FHIT: variants seen among roughly 807,000 people sequenced by gnomAD.
The protein encoded by FHIT is bis(5'-adenosyl)-triphosphatase.
In FHIT, 19 loss-of-function variants were observed where a neutral mutation model predicts 17.9. The ratio of observed to expected loss-of-function variants is 1.06; its 90% CI spans 0.74 to 1.56. FHIT has a LOEUF of 1.56. Ranked by LOEUF, FHIT falls within the 40% of genes most tolerant of loss-of-function variation. The pLI is 0.00. For synonymous variants in FHIT, 81 were observed against 69.7 expected (o/e 1.16, Z -0.81); for missense variants, 248 against 189.2 (o/e 1.31, Z -1.82).
intron 3 of FHIT, among the ~76,000 whole-genome samples, chr3:60,893,230 G>T (rs1705606609): frequency 6.6e-6 from 1 of 152,054 alleles, no homozygotes; most frequent in Non-Finnish European, 1.5e-5. Flanking sequence ...GTTTCCCCTA[G>T]TTTACTACAC....
chr3:60,870,421 C>G (rs564688984), intron 3 of FHIT, among the ~76,000 whole-genome samples: 4 of 152,124 alleles, frequency 2.6e-5, no homozygotes, highest in African/African-American at 9.6e-5. Flanking sequence ...GGAAAGGAAG[C>G]CTTTAGTTAA....
At chr3:59,980,798 C>T (rs916420393) in intron 7 of FHIT, among the ~76,000 whole-genome samples, 1 of 152,122 alleles carries the variant, frequency 6.6e-6, no homozygotes, top group Admixed American at 6.6e-5. Flanking sequence ...ACTTCCCAGC[C>T]TCAAGAATGT....
intron 7 of FHIT, among the ~76,000 whole-genome samples, chr3:59,963,254 G>A (rs566465750): frequency 1.3e-4 from 19 of 151,708 alleles, no homozygotes; most frequent in East Asian, 7.8e-4. Context: ...GTGACAGAGC[G>A]AGACTCCATC....
chr3:60,733,937 C>G (rs1237631695), intron 4 of FHIT, among the ~76,000 whole-genome samples: 1 of 152,110 alleles, frequency 6.6e-6, no homozygotes, highest in African/African-American at 2.4e-5. Context: ...AAGTCTAAGT[C>G]AAGTCTCCAT....
At chr3:59,872,092 C>G (rs1405217239) in intron 8 of FHIT, among the ~76,000 whole-genome samples, 1 of 152,056 alleles carries the variant, frequency 6.6e-6, no homozygotes, top group Non-Finnish European at 1.5e-5. Context: ...CTGAAGCCAC[C>G]GTTGATGTAC....
intron 5 of FHIT, among the ~76,000 whole-genome samples, chr3:60,191,407 ATCTC>A (rs1350841821): frequency 6.6e-6 from 1 of 152,210 alleles, no homozygotes; most frequent in South Asian, 2.1e-4. Context: ...CTACTCAAAA[ATCTC>A]TCTAACTAGC....
chr3:61,203,285 G>GTTGCAGTGAGCTGAAA (rs2039091438), intron 1 of FHIT, among the ~76,000 whole-genome samples: 1 of 151,198 alleles, frequency 6.6e-6, no homozygotes, highest in South Asian at 2.1e-4. Flanking sequence ...GGAGGCAGAG[G>GTTGCAGTGAGCTGAAA]TTGCAGTGAG....
chr3:61,140,953 C>T (rs951853816), intron 2 of FHIT, among the ~76,000 whole-genome samples: 1 of 152,132 alleles, frequency 6.6e-6, no homozygotes, highest in African/African-American at 2.4e-5. Flanking sequence ...GGGAGGTACA[C>T]GGATGTACAA....
intron 3 of FHIT, among the ~76,000 whole-genome samples, chr3:60,964,345 C>T (rs143578601): frequency 6.6e-6 from 1 of 151,810 alleles, no homozygotes; most frequent in Non-Finnish European, 1.5e-5. Context: ...TGAGATGGGT[C>T]TCCTGAATAC....
chr3:60,286,062 C>A (rs901798975), intron 5 of FHIT, among the ~76,000 whole-genome samples: 12 of 152,082 alleles, frequency 7.9e-5, no homozygotes, highest in African/African-American at 2.9e-4. Context: ...GGAGCACACA[C>A]CAACATGCAT....
rs188525037 is a variant in FHIT at position 59,821,737 on chromosome 3, G to T, written c.349-69416C>A. Among the ~76,000 whole-genome samples the T allele has an allele frequency of 1.9e-3, 284 of 151,888 alleles. 1 individual carries two copies. Among genetic ancestry groups the T allele is most frequent in the African/African-American group, 6.6e-3 (274 of 41,422 alleles). On this transcript the variant is annotated intron_variant, in intron 8 of 9. Coordinates refer to ENST00000492590, the MANE Select transcript of FHIT (RefSeq NM_002012.4). ...TTACAACTGTTTCCTTCTGCTCCTG[G>T]TTCTTAGAGTTTTTTTTTAAAAAAA...
intron 8 of FHIT, among the ~76,000 whole-genome samples, chr3:59,904,884 C>T (rs954154294): frequency 1.7e-4 from 26 of 152,098 alleles, no homozygotes; most frequent in African/African-American, 6.0e-4. Flanking sequence ...TGTGAGTCTG[C>T]AAATAAGTCT....
chr3:59,986,265 G>A (rs1708896632), intron 7 of FHIT, among the ~76,000 whole-genome samples: 1 of 151,606 alleles, frequency 6.6e-6, no homozygotes, highest in African/African-American at 2.4e-5. Context: ...GCTCTCAGTA[G>A]GAGTAAACTG....
intron 2 of FHIT, among the ~76,000 whole-genome samples, chr3:61,159,994 A>G (rs768989042): frequency 9.2e-5 from 14 of 152,204 alleles, no homozygotes; most frequent in Non-Finnish European, 1.9e-4. Flanking sequence ...GAATGAAGGA[A>G]AGTATGAGAT....
chr3:60,616,605 T>A (rs1349534491), intron 4 of FHIT, among the ~76,000 whole-genome samples: 1 of 143,984 alleles, frequency 6.9e-6, no homozygotes, highest in Non-Finnish European at 1.5e-5. Flanking sequence ...AAAATTTAAA[T>A]ACTTAGGTAT....
At chr3:59,873,488 T>C (rs1284689820) in intron 8 of FHIT, among the ~76,000 whole-genome samples, 1 of 152,206 alleles carries the variant, frequency 6.6e-6, no homozygotes, top group East Asian at 1.9e-4. Context: ...CACAGCCCCA[T>C]TCTAATTGTT....
intron 7 of FHIT, among the ~76,000 whole-genome samples, chr3:59,979,046 C>G (rs182213176): frequency 9.1e-4 from 138 of 152,218 alleles, no homozygotes; most frequent in Middle Eastern, 3.4e-3. Context: ...GCAAACCATT[C>G]TGTGAAATTG....
chr3:60,521,506 C>A (rs1289201013), intron 5 of FHIT, among the ~76,000 whole-genome samples: 1 of 152,122 alleles, frequency 6.6e-6, no homozygotes, highest in Non-Finnish European at 1.5e-5. Flanking sequence ...CTCGGCCTCC[C>A]AAAGTGCTGG....
intron 7 of FHIT, among the ~76,000 whole-genome samples, chr3:59,991,421 G>T (rs1709228280): frequency 6.6e-6 from 1 of 152,036 alleles, no homozygotes; most frequent in Non-Finnish European, 1.5e-5. Context: ...TAGACATCTA[G>T]TTCTACTGGG....
Sources: allele counts gnomAD v4.1 joint callset (sites outside exome capture counted in the v4.1 genomes callset), GRCh38; gene constraint gnomAD v4.1.1; transcripts MANE v1.5; gene names NCBI Gene and HGNC (gene_info 2026-07-23, HGNC 2026-07-21).